Variants in RHOBTB1 observed in about 807,000 individuals in gnomAD.
The protein encoded by RHOBTB1 is Rho related BTB domain containing 1.
A neutral mutation model predicts 71.6 loss-of-function variants in RHOBTB1; 40 were observed. That is an observed-to-expected ratio of 0.56 (90% CI 0.43 to 0.73). RHOBTB1 has a LOEUF of 0.73. RHOBTB1 is among the 30% of genes least tolerant of loss of function. RHOBTB1 has a pLI of 0.00. For synonymous variants in RHOBTB1, 319 were observed against 334.9 expected (o/e 0.95, Z 0.52); for missense variants, 797 against 894.0 (o/e 0.89, Z 1.38).
chr10:60,878,932 C>T (rs1420414997), intron 7 of RHOBTB1, among the ~76,000 whole-genome samples: 1 of 152,166 alleles, frequency 6.6e-6, no homozygotes, highest in Non-Finnish European at 1.5e-5. Context: ...CAGAATGGTA[C>T]CACTTGGATT....
rs930725818 is a variant in RHOBTB1, at chr10:60,875,027, T to C, written c.1742A>G (p.Gln581Arg). 5.0e-6 allele frequency: 8 copies of C among 1,613,608 alleles called. No individual in the cohort carries two copies. The highest frequency in any genetic ancestry group is 1.3e-5 in the African/African-American group (1 of 74,932). The change falls in exon 9 of 11, where the codon CAG becomes CGG. Residue 581 changes from glutamine to arginine, a missense_variant. By Grantham distance (43) the Gln-to-Arg change is conservative. Coordinates refer to ENST00000337910, the MANE Select transcript of RHOBTB1 (RefSeq NM_014836.5). Reference sequence around the variant, plus strand: ...ACTCGTGGCGGCTTTGGTCAACTCCTGAACGGCATGCTGTTCTGGGGAAGA... The same window carrying C: ...ACTCGTGGCGGCTTTGGTCAACTCCCGAACGGCATGCTGTTCTGGGGAAGA... The part of the protein sequence containing the change: ...LVALAEQHAV[Q>R]ELTKAATSGV...
At chr10:60,864,975 G>T (rs1355718992), downstream of RHOBTB1, among the ~76,000 whole-genome samples, 1 of 152,184 alleles carries the variant, frequency 6.6e-6, no homozygotes, top group African/African-American at 2.4e-5. Flanking sequence ...ACAGGCTTTA[G>T]CCACTGTGCC....
chr10:60,998,542 G>A (rs1028143576), intron 1 of RHOBTB1, among the ~76,000 whole-genome samples: 1 of 152,168 alleles, frequency 6.6e-6, no homozygotes, highest in Non-Finnish European at 1.5e-5. Flanking sequence ...GAGAAGAACA[G>A]AAAGGTGTTC....
At chr10:60,910,577 G>C (rs1252930031) in intron 4 of RHOBTB1, among the ~76,000 whole-genome samples, 1 of 152,178 alleles carries the variant, frequency 6.6e-6, no homozygotes, top group Non-Finnish European at 1.5e-5. Flanking sequence ...CAAGTGAAGT[G>C]TTACTCAGAG....
rs368468916 is a variant in RHOBTB1 at position 60,911,021 on chromosome 10, G to A, written c.193-31C>T. On this transcript the variant is annotated intron_variant, in intron 3 of 10. Transcript: ENST00000337910. ...GGAGAGAGAGAGAGCATCTGTGCTCGGTGTCAGTCAGAAGTTCCCCAGGAG... is the reference window on the plus strand; with the variant it reads ...GGAGAGAGAGAGAGCATCTGTGCTCAGTGTCAGTCAGAAGTTCCCCAGGAG... 315 of 1,579,346 alleles carry A rather than the reference G, an allele frequency of 2.0e-4. 2 individuals carry two copies. The South Asian group carries it at 2.3e-3, about 12-fold the overall frequency.
intron 4 of RHOBTB1, among the ~76,000 whole-genome samples, chr10:60,903,796 T>C (rs2082528899): frequency 6.6e-6 from 1 of 152,174 alleles, no homozygotes; most frequent in African/African-American, 2.4e-5. Context: ...GTTTCAGGGT[T>C]ATATTCAGCT....
At chr10:60,865,121 C>T (rs1340597144), downstream of RHOBTB1, among the ~76,000 whole-genome samples, 1 of 152,100 alleles carries the variant, frequency 6.6e-6, no homozygotes, top group Non-Finnish European at 1.5e-5. Flanking sequence ...CAGCACTCTC[C>T]ATCTAATTAG....
At chr10:60,981,880 C>T (rs751358665) in intron 2 of RHOBTB1, among the ~76,000 whole-genome samples, 9 of 152,076 alleles carry the variant, frequency 5.9e-5, no homozygotes, top group Non-Finnish European at 1.2e-4. Flanking sequence ...AGTGATTCTC[C>T]TGCTTCAGCC....
chr10:60,946,906 C>G (rs1237975728), upstream of RHOBTB1, among the ~76,000 whole-genome samples: 1 of 152,164 alleles, frequency 6.6e-6, no homozygotes, highest in African/African-American at 2.4e-5. Context: ...AACTGGAAGA[C>G]CTTTCAAGAA....
upstream of RHOBTB1, among the ~76,000 whole-genome samples, chr10:60,944,479 C>T (rs958976016): frequency 4.6e-5 from 7 of 152,152 alleles, no homozygotes; most frequent in Non-Finnish European, 7.4e-5. Context: ...GCGGATCGCC[C>T]GGGACAAACC....
rs368303011 is a variant in RHOBTB1, at chr10:60,886,246, G to A, written c.1457-16C>T. The A allele has an allele frequency of 1.7e-5, 28 of 1,604,622 alleles. No homozygotes were observed. In the African/African-American group the frequency reaches 3.5e-4, roughly 20 times the overall value. ...AATGTCACGTCTGCCAAGGGATTGAGGAAACACAACCATGAGCCAACTTTG... is the reference window on the plus strand; with the variant it reads ...AATGTCACGTCTGCCAAGGGATTGAAGAAACACAACCATGAGCCAACTTTG... On this transcript the variant is annotated splice_polypyrimidine_tract_variant and intron_variant, in intron 6 of 10. Transcript: ENST00000337910.
intron 2 of RHOBTB1, among the ~76,000 whole-genome samples, chr10:60,927,575 C>T (rs2083960930): frequency 6.6e-6 from 1 of 152,138 alleles, no homozygotes; most frequent in Non-Finnish European, 1.5e-5. Context: ...TTACAGCCAA[C>T]TTATTTTTGA....
intron 1 of RHOBTB1, among the ~76,000 whole-genome samples, chr10:60,987,919 C>CTTTTTTTTTTTTTT (rs71018937): frequency 5.6e-5 from 3 of 53,738 alleles, no homozygotes; most frequent in African/African-American, 2.2e-4. Flanking sequence ...AAATACTCAA[C>CTTTTTTTTTTTTTT]TTTTTTTTTT....
intron 2 of RHOBTB1, among the ~76,000 whole-genome samples, chr10:60,965,192 G>T (rs1170165909): frequency 6.6e-6 from 1 of 151,910 alleles, no homozygotes; most frequent in African/African-American, 2.4e-5. Context: ...AGCATATTTT[G>T]CCATGTATTA....
intron 4 of RHOBTB1, among the ~76,000 whole-genome samples, chr10:60,899,236 A>AAG (rs2133016361): frequency 6.6e-6 from 1 of 152,332 alleles, no homozygotes; most frequent in Non-Finnish European, 1.5e-5. Flanking sequence ...AAACAGTCCT[A>AAG]CTTAACTCCT....
the RHOBTB1 span, among the ~76,000 whole-genome samples, chr10:60,863,933 C>G: frequency 2.6e-5 from 4 of 152,150 alleles, no homozygotes; most frequent in African/African-American, 9.7e-5. Context: ...CAGGACTCCT[C>G]GTATGCTGCT....
intron 1 of RHOBTB1, among the ~76,000 whole-genome samples, chr10:60,991,232 CT>C (rs2086852896): frequency 6.6e-6 from 1 of 152,022 alleles, no homozygotes; most frequent in Non-Finnish European, 1.5e-5. Context: ...GATGATGTAA[CT>C]AACTACAGCA....
chr10:60,923,579 G>C (rs1391144375), intron 2 of RHOBTB1, among the ~76,000 whole-genome samples: 1 of 152,154 alleles, frequency 6.6e-6, no homozygotes, highest in Non-Finnish European at 1.5e-5. Flanking sequence ...AGACAATAAA[G>C]AGACTGACTG....
chr10:60,907,889 T>C (rs2082759297), intron 4 of RHOBTB1, among the ~76,000 whole-genome samples: 1 of 152,178 alleles, frequency 6.6e-6, no homozygotes, highest in African/African-American at 2.4e-5. Flanking sequence ...TGGGCAAATT[T>C]ATGGTAGTAA....
Sources: allele counts gnomAD v4.1 joint callset (sites outside exome capture counted in the v4.1 genomes callset), GRCh38; gene constraint gnomAD v4.1.1; transcripts MANE v1.5; gene names NCBI Gene and HGNC (gene_info 2026-07-23, HGNC 2026-07-21).